The following KIF26B variants were observed in gnomAD, a reference collection of about 807,000 sequenced individuals.
The protein encoded by KIF26B is kinesin-like protein KIF26B.
KIF26B carries 63 observed loss-of-function variants against 151.2 expected under a neutral mutation model. The ratio of observed to expected loss-of-function variants is 0.42; its 90% CI spans 0.34 to 0.51. The LOEUF is 0.51. Ranked by LOEUF, KIF26B falls within the 20% of genes least tolerant of loss-of-function variation. The pLI, the probability that KIF26B is intolerant of heterozygous loss-of-function variation, is 0.07. For synonymous variants in KIF26B, 1,357 were observed against 1,262.1 expected, an observed-to-expected ratio of 1.08 and a Z score of -1.59; for missense variants, 2,813 against 2,913.6, an observed-to-expected ratio of 0.97 and a Z score of 0.79.
intron 2 of KIF26B, among the ~76,000 whole-genome samples, chr1:245,349,862 A>G (rs958049841): frequency 9.9e-5 from 15 of 152,194 alleles, no homozygotes; most frequent in African/African-American, 3.4e-4. Context: ...TTCAAGTATA[A>G]TGAACACAAT....
chr1:245,486,396 A>G (rs201417858), intron 4 of KIF26B, among the ~76,000 whole-genome samples: 1 of 27,484 alleles, frequency 3.6e-5, no homozygotes, highest in Admixed American at 6.5e-4. Flanking sequence ...TTAAGGGAGG[A>G]AAAAAAAAAG....
chr1:245,445,514 G>A (rs761361165), intron 4 of KIF26B, among the ~76,000 whole-genome samples: 2 of 152,174 alleles, frequency 1.3e-5, no homozygotes, highest in Non-Finnish European at 2.9e-5. Context: ...ATGTGCGCAC[G>A]TGGGGGGGAT....
chr1:245,343,371 T>A (rs1293973995), intron 2 of KIF26B, among the ~76,000 whole-genome samples: 2 of 152,162 alleles, frequency 1.3e-5, no homozygotes, highest in Non-Finnish European at 2.9e-5. Context: ...ATCTTTTTTT[T>A]TTTTCCTACC....
chr1:245,661,828 ATT>A (rs571203186), intron 10 of KIF26B, among the ~76,000 whole-genome samples: 24 of 113,172 alleles, frequency 2.1e-4, no homozygotes, highest in African/African-American at 8.4e-4. Flanking sequence ...TGATATATAT[ATT>A]ACACACACCA....
chr1:245,636,799 C>A (rs773391161), intron 9 of KIF26B, among the ~76,000 whole-genome samples: 1 of 151,850 alleles, frequency 6.6e-6, no homozygotes, highest in Non-Finnish European at 1.5e-5. Flanking sequence ...TGACTTCCAG[C>A]TTCATCCATG....
chr1:245,348,653 C>A (rs1672506260), intron 2 of KIF26B, among the ~76,000 whole-genome samples: 1 of 152,180 alleles, frequency 6.6e-6, no homozygotes. Context: ...TACCTCCAGC[C>A]ATCATGTTGG....
intron 11 of KIF26B, 33 bp from the exon 12 acceptor site, chr1:245,685,372 A>G: frequency 6.5e-7 from 1 of 1,543,972 alleles, no homozygotes; most frequent in Non-Finnish European, 8.8e-7. Flanking sequence ...TGCCACGGAA[A>G]GGCCACCACA....
chr1:245,688,576 A>G lies in KIF26B; in HGVS notation c.5593A>G (p.Ser1865Gly). 1 of 1,563,864 alleles carries G rather than the reference A, an allele frequency of 6.4e-7. No homozygotes were observed. Among genetic ancestry groups the G allele is most frequent in the Non-Finnish European group, 8.6e-7 (1 of 1,157,878 alleles). Residue 1865 changes from serine (S) to glycine (G), a missense_variant, in exon 12 of 15, where the codon AGC (serine) becomes GGC (glycine). Transcript: ENST00000407071. ...CCCGCGGAGGCCCCACCGCTGCAGC[A>G]GCGGCCACGGCAGCGACAACAGCAG... ...TPPRRPHRCSSGHGSDNSSVL... is the reference protein window; with the variant it reads ...TPPRRPHRCSGGHGSDNSSVL...
chr1:245,358,923 A>G lies in KIF26B; in HGVS notation c.466-7911A>G, dbSNP rs1025855171. 1.3e-5 allele frequency among the ~76,000 whole-genome samples: 2 copies of G among 152,136 alleles called. No homozygotes were observed. The highest frequency in any genetic ancestry group is 2.9e-5 in the Non-Finnish European group (2 of 68,034). On this transcript the variant is annotated intron_variant, in intron 2 of 14. Transcript: ENST00000407071. This position sits in a 1 kb window ranked among gnomAD's most constrained non-coding sequence, Gnocchi z 4.1. ...CTTTCCCATCTTAAGCTCTGAATCT[A>G]TTTGTGAAGGGATCCTATTTCCCAA...
At chr1:245,633,086 A>G (rs536448854) in intron 9 of KIF26B, among the ~76,000 whole-genome samples, 1 of 152,226 alleles carries the variant, frequency 6.6e-6, no homozygotes, top group African/African-American at 2.4e-5. Context: ...TTATCATTAT[A>G]TTAATATAAT....
rs138380788 is a variant in KIF26B, at chr1:245,538,128, G to A, written c.1167-2639G>A. The stretch of plus-strand genomic sequence containing the variant: ...ACTCACTGCTCTGAGAGGTCAAGAT[G>A]GGGCTGAGAACCATTAACTTGAGCA... On this transcript the variant is annotated intron_variant, in intron 4 of 14. Coordinates refer to ENST00000407071, the MANE Select transcript of KIF26B (RefSeq NM_018012.4). Among the ~76,000 whole-genome samples, 98 of 152,278 alleles carry A rather than the reference G, an allele frequency of 6.4e-4. 1 individual carries two copies. Among genetic ancestry groups the A allele is most frequent in the African/African-American group, 2.3e-3 (96 of 41,546 alleles).
intron 2 of KIF26B, chr1:245,282,994 C>T (rs1671090484): frequency 1.3e-5 from 4 of 302,718 alleles, no homozygotes; most frequent in Non-Finnish European, 2.7e-5. Context: ...ACTTGTTCTG[C>T]TTGAGGCTCC....
intron 4 of KIF26B, among the ~76,000 whole-genome samples, chr1:245,449,608 G>C (rs1558170425): frequency 6.6e-6 from 1 of 152,226 alleles, no homozygotes; most frequent in East Asian, 1.9e-4. Flanking sequence ...ATATGAGCTG[G>C]GAAGTGTGTT....
At chr1:245,637,569 T>TA (rs916000945) in intron 9 of KIF26B, among the ~76,000 whole-genome samples, 35 of 152,154 alleles carry the variant, frequency 2.3e-4, no homozygotes, top group Admixed American at 6.5e-4. Flanking sequence ...TTTGAGGTCT[T>TA]ACCCCAAAAA....
intron 2 of KIF26B, among the ~76,000 whole-genome samples, chr1:245,273,031 C>G (rs1670878008): frequency 6.6e-6 from 1 of 151,892 alleles, no homozygotes; most frequent in Non-Finnish European, 1.5e-5. Flanking sequence ...TCTGTTGGGT[C>G]CCTCGATCTG....
intron 6 of KIF26B, among the ~76,000 whole-genome samples, chr1:245,604,149 C>A (rs2043425732): frequency 6.6e-6 from 1 of 152,320 alleles, no homozygotes; most frequent in Admixed American, 6.5e-5. Context: ...ATATAGCCTA[C>A]TTTGCCTGGA....
At chr1:245,219,453 C>G (rs948190127) in intron 2 of KIF26B, among the ~76,000 whole-genome samples, 1 of 152,014 alleles carries the variant, frequency 6.6e-6, no homozygotes, top group African/African-American at 2.4e-5. Context: ...GTATTTGCAG[C>G]TAGGCGCGGT....
chr1:245,247,266 C>G (rs1418319840), intron 2 of KIF26B, among the ~76,000 whole-genome samples: 1 of 141,920 alleles, frequency 7.0e-6, no homozygotes, highest in African/African-American at 2.6e-5. Context: ...GCCTGACCAA[C>G]ATAGTGAAAT....
intron 4 of KIF26B, among the ~76,000 whole-genome samples, chr1:245,494,457 C>T (rs1305721703): frequency 2.0e-5 from 3 of 152,168 alleles, no homozygotes; most frequent in Non-Finnish European, 2.9e-5. Context: ...TCAGTGAGCT[C>T]AGTCTGGGAT....
Sources: allele counts gnomAD v4.1 joint callset (sites outside exome capture counted in the v4.1 genomes callset), GRCh38; gene constraint gnomAD v4.1.1; non-coding constraint Gnocchi (gnomAD v3.1); transcripts MANE v1.5; gene names NCBI Gene and HGNC (gene_info 2026-07-23, HGNC 2026-07-21).